Variants in CNTN4 observed in about 807,000 individuals in gnomAD.
The protein encoded by CNTN4 is contactin-4.
Under a neutral mutation model 122.5 loss-of-function variants are expected in CNTN4, and 77 were observed. The observed-to-expected ratio is 0.63, with a 90% CI of 0.52 to 0.76. The LOEUF (loss-of-function observed/expected upper bound fraction) is 0.76, where lower values mean the gene tolerates loss of function less well. Among genes scored for constraint, CNTN4 ranks in the 30% least tolerant of loss-of-function variants. The probability of loss-of-function intolerance (pLI) is 0.00; values close to 1 mark genes in which losing one functional copy is unlikely to be tolerated. For synonymous variants in CNTN4, 512 were observed against 447.0 expected (o/e 1.15, Z -1.83); for missense variants, 1,256 against 1,259.1 (o/e 1.00, Z 0.04).
chr3:2,247,078 C>A (rs932525024), intron 2 of CNTN4, among the ~76,000 whole-genome samples: 3 of 152,116 alleles, frequency 2.0e-5, no homozygotes, highest in Admixed American at 6.6e-5. Context: ...TTGTGTTCTA[C>A]TATATATTTA....
chr3:2,515,694 A>G (rs758178099), intron 3 of CNTN4, among the ~76,000 whole-genome samples: 11 of 152,264 alleles, frequency 7.2e-5, no homozygotes, highest in Middle Eastern at 3.4e-3. Context: ...TACTAAATCC[A>G]TCACTAATGA....
At chr3:2,860,491 A>T (rs1045111318) in intron 7 of CNTN4, among the ~76,000 whole-genome samples, 2 of 152,140 alleles carry the variant, frequency 1.3e-5, no homozygotes, top group Non-Finnish European at 2.9e-5. Flanking sequence ...AATATTCCTA[A>T]TAGGGGTCCT....
intron 7 of CNTN4, among the ~76,000 whole-genome samples, chr3:2,823,262 T>G (rs907606874): frequency 6.6e-6 from 1 of 152,116 alleles, no homozygotes; most frequent in Admixed American, 6.5e-5. Context: ...GGGAAATGAG[T>G]CAGCCTTTTA....
intron 3 of CNTN4, among the ~76,000 whole-genome samples, chr3:2,386,208 A>C (rs1335652822): frequency 1.3e-5 from 2 of 151,384 alleles, no homozygotes. Flanking sequence ...ACATTCTCTG[A>C]ATTCAAACTC....
intron 3 of CNTN4, among the ~76,000 whole-genome samples, chr3:2,370,472 A>G (rs891308641): frequency 1.3e-5 from 2 of 152,176 alleles, no homozygotes; most frequent in African/African-American, 2.4e-5. Flanking sequence ...TGAAATGAGC[A>G]TGGATAGAGG....
intron 4 of CNTN4, among the ~76,000 whole-genome samples, chr3:2,635,735 AT>A (rs2082633140): frequency 6.6e-6 from 1 of 152,152 alleles, no homozygotes; most frequent in African/African-American, 2.4e-5. Flanking sequence ...CATAGCACTG[AT>A]GTTTATGGTT....
At chr3:2,426,606 C>T (rs1353129868) in intron 3 of CNTN4, among the ~76,000 whole-genome samples, 2 of 152,218 alleles carry the variant, frequency 1.3e-5, no homozygotes, top group African/African-American at 2.4e-5. Context: ...GGGAGGATTC[C>T]TTCTTTTTCT....
chr3:2,578,008 C>G (rs1253244913), intron 4 of CNTN4, among the ~76,000 whole-genome samples: 3 of 151,954 alleles, frequency 2.0e-5, no homozygotes, highest in African/African-American at 7.3e-5. Context: ...CATCTGGGGG[C>G]ATGTAGTGGA....
At chr3:2,614,648 C>T (rs76659559) in intron 4 of CNTN4, among the ~76,000 whole-genome samples, 1,582 of 152,122 alleles carry the variant, frequency 0.01, 30 homozygotes, top group African/African-American at 0.036. Flanking sequence ...ACGGCATAGA[C>T]GATGAATTTT....
intron 6 of CNTN4, among the ~76,000 whole-genome samples, chr3:2,800,301 T>C (rs1388464178): frequency 6.6e-6 from 1 of 152,188 alleles, no homozygotes; most frequent in East Asian, 1.9e-4. Context: ...ATTCGATTTA[T>C]TTCTTCTTTC....
rs556308525 is a variant in CNTN4 at position 2,600,353 on chromosome 3, C to T, written c.55+28795C>T. ...GTCTCCTAATACTGTTCCTTCCCCT[C>T]CCGCACCCCACAACAGGCCCCGGTG... On this transcript the variant is annotated intron_variant, in intron 4 of 24. Coordinates refer to ENST00000418658, the MANE Select transcript of CNTN4 (RefSeq NM_175607.3). Among the ~76,000 whole-genome samples the T allele has an allele frequency of 5.7e-4, 87 of 152,104 alleles. 2 individuals carry two copies. The highest frequency in any genetic ancestry group is 8.3e-4 in the South Asian group (4 of 4,812).
At chr3:2,474,806 G>C (rs570896742) in intron 3 of CNTN4, among the ~76,000 whole-genome samples, 1 of 152,080 alleles carries the variant, frequency 6.6e-6, no homozygotes, top group Non-Finnish European at 1.5e-5. Flanking sequence ...CCATATCTCA[G>C]GTAGTTTATA....
chr3:2,989,578 C>A (rs1306258423), intron 14 of CNTN4, among the ~76,000 whole-genome samples: 1 of 152,090 alleles, frequency 6.6e-6, no homozygotes, highest in Non-Finnish European at 1.5e-5. Flanking sequence ...TTTGGGAAGT[C>A]TTTTTATCAT....
chr3:2,184,993 A>G (rs900426258), intron 2 of CNTN4, among the ~76,000 whole-genome samples: 4 of 152,182 alleles, frequency 2.6e-5, no homozygotes, highest in African/African-American at 9.6e-5. Context: ...GTGGTCTACA[A>G]TCACAGGGTT....
At chr3:2,237,188 G>A (rs544813862) in intron 2 of CNTN4, among the ~76,000 whole-genome samples, 1 of 152,260 alleles carries the variant, frequency 6.6e-6, no homozygotes, top group African/African-American at 2.4e-5. Flanking sequence ...GTAGTGGTAG[G>A]TTGTGGGGAG....
intron 12 of CNTN4, among the ~76,000 whole-genome samples, chr3:2,923,551 C>T (rs1427517033): frequency 1.3e-5 from 2 of 152,162 alleles, no homozygotes; most frequent in Non-Finnish European, 2.9e-5. Flanking sequence ...ACATGATTCC[C>T]ATTCATGCCA....
intron 3 of CNTN4, among the ~76,000 whole-genome samples, chr3:2,397,472 TA>T (rs1430190307): frequency 1.3e-5 from 2 of 151,816 alleles, no homozygotes; most frequent in Non-Finnish European, 2.9e-5. Flanking sequence ...AGCACAAGAT[TA>T]GTCTCCTTTT....
At chr3:2,488,458 G>GC (rs2076226144) in intron 3 of CNTN4, among the ~76,000 whole-genome samples, 1 of 151,960 alleles carries the variant, frequency 6.6e-6, no homozygotes, top group African/African-American at 2.4e-5. Context: ...GTGTTGGGGG[G>GC]TGTGTGTGCC....
intron 2 of CNTN4, among the ~76,000 whole-genome samples, chr3:2,119,150 A>T (rs1250902817): frequency 6.6e-6 from 1 of 152,230 alleles, no homozygotes; most frequent in Non-Finnish European, 1.5e-5. Context: ...AGGAGAAAGA[A>T]TTCTGCTAGC....
Sources: gnomAD v4.1 joint callset for allele counts (sites outside exome capture counted in the v4.1 genomes callset) on GRCh38, gnomAD v4.1.1 for gene constraint, MANE v1.5 for transcripts, NCBI Gene and HGNC (gene_info 2026-07-23, HGNC 2026-07-21) for gene names.